The following ZNRF1 variants were observed in gnomAD, a reference collection of about 807,000 sequenced individuals.
ZNRF1 encodes E3 ubiquitin-protein ligase ZNRF1.
Under a neutral mutation model 18.4 loss-of-function variants are expected in ZNRF1, and 3 were observed. The observed-to-expected ratio is 0.16, with a 90% CI of 0.07 to 0.42. The LOEUF (loss-of-function observed/expected upper bound fraction) is 0.42. Among genes scored for constraint, ZNRF1 ranks in the 10% least tolerant of loss-of-function variants. ZNRF1 has a pLI of 0.99. For missense variants in ZNRF1, 310 were observed against 329.8 expected (o/e 0.94, Z 0.47); for synonymous variants, 157 against 144.2 (o/e 1.09, Z -0.64).
At chr16:75,007,310 C>G (rs985794547) in intron 1 of ZNRF1, among the ~76,000 whole-genome samples, 1 of 152,090 alleles carries the variant, frequency 6.6e-6, no homozygotes, top group African/African-American at 2.4e-5. Flanking sequence ...CTGCCTCAGC[C>G]TCCTAAAGTG....
At chr16:75,095,764 G>A in intron 2 of ZNRF1, 1 of 1,505,220 alleles carries the variant, frequency 6.6e-7, no homozygotes, top group Non-Finnish European at 9.0e-7. Flanking sequence ...AGGCTGTCCA[G>A]CTCCTCTGCC....
intron 1 of ZNRF1, among the ~76,000 whole-genome samples, chr16:75,071,581 A>G (rs1443492758): frequency 1.3e-5 from 2 of 152,148 alleles, no homozygotes; most frequent in African/African-American, 4.8e-5. Flanking sequence ...ACTTAGCCTT[A>G]CAAGTCATAG....
intron 3 of ZNRF1, 143 bp from the exon 4 acceptor site, chr16:75,106,338 TG>T: frequency 1.3e-6 from 1 of 751,008 alleles, no homozygotes; most frequent in Non-Finnish European, 2.2e-6. Context: ...TAGGGATATC[TG>T]GGGACATGAC....
intron 1 of ZNRF1, among the ~76,000 whole-genome samples, chr16:75,047,209 G>C (rs1055707729): frequency 1.3e-5 from 2 of 152,170 alleles, no homozygotes; most frequent in Non-Finnish European, 2.9e-5. Context: ...GTCCCACCCT[G>C]TTACTCAGGC....
intron 1 of ZNRF1, among the ~76,000 whole-genome samples, chr16:75,032,882 A>T (rs1162748627): frequency 6.6e-6 from 1 of 152,120 alleles, no homozygotes; most frequent in African/African-American, 2.4e-5. Context: ...GCATGGTGGT[A>T]TATGCCTGTA....
At chr16:75,006,890 C>G (rs1362213175) in intron 1 of ZNRF1, among the ~76,000 whole-genome samples, 2 of 152,094 alleles carry the variant, frequency 1.3e-5, no homozygotes, top group Non-Finnish European at 2.9e-5. Context: ...CAGCAGTTTT[C>G]ACTTCTGAAT....
chr16:75,079,040 C>G (rs143571267), intron 1 of ZNRF1, among the ~76,000 whole-genome samples: 1 of 152,308 alleles, frequency 6.6e-6, no homozygotes, highest in East Asian at 1.9e-4. Flanking sequence ...TCTTATCTAC[C>G]CGGTTCAAGT....
At chr16:75,076,585 A>C (rs1022573995) in intron 1 of ZNRF1, among the ~76,000 whole-genome samples, 1 of 149,558 alleles carries the variant, frequency 6.7e-6, no homozygotes, top group Non-Finnish European at 1.5e-5. Flanking sequence ...TATCCTATTT[A>C]AGTGTGGCAC....
At chr16:75,042,576 G>T (rs895777475) in intron 1 of ZNRF1, among the ~76,000 whole-genome samples, 1 of 151,460 alleles carries the variant, frequency 6.6e-6, no homozygotes, top group Non-Finnish European at 1.5e-5. Flanking sequence ...TTATTTCTCG[G>T]CTTTCAATTC....
intron 1 of ZNRF1, among the ~76,000 whole-genome samples, chr16:75,032,106 T>G (rs1465260884): frequency 3.0e-5 from 3 of 99,802 alleles, no homozygotes; most frequent in Non-Finnish European, 5.7e-5. Flanking sequence ...CTTGTGAGGT[T>G]TTTTTTTTTT....
intron 1 of ZNRF1, among the ~76,000 whole-genome samples, chr16:75,056,367 C>A (rs957339327): frequency 6.6e-6 from 1 of 152,174 alleles, no homozygotes; most frequent in African/African-American, 2.4e-5. Context: ...TTTTCAATGA[C>A]AGTACTGCTC....
intron 1 of ZNRF1, among the ~76,000 whole-genome samples, chr16:75,059,797 T>G (rs1446947248): frequency 6.6e-6 from 1 of 152,212 alleles, no homozygotes; most frequent in African/African-American, 2.4e-5. Context: ...GCTGATGGAT[T>G]TGACCGCTCC....
intron 1 of ZNRF1, among the ~76,000 whole-genome samples, chr16:75,006,053 CAT>C (rs1160560632): frequency 6.6e-6 from 1 of 152,182 alleles, no homozygotes. Context: ...TGTGTCTAAA[CAT>C]AGAAAAGGTA....
In ZNRF1 at chr16:75,056,007, G is replaced by T. The variant is rs1440963603; in HGVS notation, c.425-37565G>T. On this transcript the variant is annotated intron_variant, in intron 1 of 4. Coordinates refer to ENST00000335325, the MANE Select transcript of ZNRF1 (RefSeq NM_032268.5). ...GAATTTACCTCAATTCCTTTGCTGAGCAGGCATGTTGTATTTCTATGTAAT... is the reference window on the plus strand; with the variant it reads ...GAATTTACCTCAATTCCTTTGCTGATCAGGCATGTTGTATTTCTATGTAAT... Among the ~76,000 whole-genome samples, 5 of 152,184 alleles carry T rather than the reference G, an allele frequency of 3.3e-5. No homozygotes were observed. The East Asian group carries it at 9.6e-4, about 29-fold the overall frequency.
At chr16:75,034,295 C>T (rs1358696461) in intron 1 of ZNRF1, among the ~76,000 whole-genome samples, 1 of 152,196 alleles carries the variant, frequency 6.6e-6, no homozygotes, top group Admixed American at 6.5e-5. Flanking sequence ...CATTAAACAA[C>T]TGCTTTCCAT....
chr16:75,041,215 G>A (rs2035443232), intron 1 of ZNRF1, among the ~76,000 whole-genome samples: 1 of 152,174 alleles, frequency 6.6e-6, no homozygotes, highest in African/African-American at 2.4e-5. Context: ...CATGGGCAAT[G>A]GTTGAGAGTT....
intron 2 of ZNRF1, among the ~76,000 whole-genome samples, chr16:75,095,971 T>C (rs971567645): frequency 6.6e-6 from 1 of 151,960 alleles, no homozygotes; most frequent in African/African-American, 2.4e-5. Flanking sequence ...TGACCACTGC[T>C]CCTCTGGTTC....
At chr16:75,030,289 A>G (rs1054377650) in intron 1 of ZNRF1, among the ~76,000 whole-genome samples, 57 of 152,206 alleles carry the variant, frequency 3.7e-4, no homozygotes, top group African/African-American at 1.4e-3. Context: ...AGTGTTTTCA[A>G]TAGATGCTAC....
At chr16:75,019,874 A>G (rs1355612437) in intron 1 of ZNRF1, among the ~76,000 whole-genome samples, 1 of 151,926 alleles carries the variant, frequency 6.6e-6, no homozygotes, top group Non-Finnish European at 1.5e-5. Context: ...ACAGGCACAC[A>G]CCACCACACC....
Sources: allele counts gnomAD v4.1 joint callset (sites outside exome capture counted in the v4.1 genomes callset), GRCh38; gene constraint gnomAD v4.1.1; transcripts MANE v1.5; gene names NCBI Gene and HGNC (gene_info 2026-07-23, HGNC 2026-07-21).